The following PCDH15 variants were observed in gnomAD, a reference collection of about 807,000 sequenced individuals.
PCDH15 encodes protocadherin related 15.
PCDH15 carries 129 observed loss-of-function variants against 178.5 expected under a neutral mutation model. The ratio of observed to expected loss-of-function variants is 0.72; its 90% CI spans 0.63 to 0.84. The LOEUF is 0.84. PCDH15 is among the 40% of genes least tolerant of loss of function. The pLI is 0.00. For missense variants in PCDH15, 2,230 were observed against 2,099.9 expected, an observed-to-expected ratio of 1.06 and a Z score of -1.21; for synonymous variants, 800 against 732.0, an observed-to-expected ratio of 1.09 and a Z score of -1.50.
At chr10:55,451,799 C>A (rs1394283710) in intron 2 of PCDH15, among the ~76,000 whole-genome samples, 1 of 152,144 alleles carries the variant, frequency 6.6e-6, no homozygotes, top group African/African-American at 2.4e-5. Context: ...TGCATGTACA[C>A]ATCTATCTAT....
chr10:54,422,319 A>G (rs1370358956), intron 3 of PCDH15, among the ~76,000 whole-genome samples: 1 of 152,082 alleles, frequency 6.6e-6, no homozygotes, highest in Non-Finnish European at 1.5e-5. Flanking sequence ...CCTCATCTGT[A>G]AAATGGAATT....
chr10:53,928,214 T>C (rs985416755), intron 25 of PCDH15, among the ~76,000 whole-genome samples: 1 of 152,106 alleles, frequency 6.6e-6, no homozygotes, highest in Non-Finnish European at 1.5e-5. Flanking sequence ...CTTTTTATTA[T>C]GTAAGCATAA....
chr10:54,744,345 G>A (rs1043559596), intron 1 of PCDH15, among the ~76,000 whole-genome samples: 4 of 152,046 alleles, frequency 2.6e-5, no homozygotes, highest in African/African-American at 9.7e-5. Context: ...TCTGACCCAT[G>A]GAAACTGAGA....
rs1338985836 is a variant in PCDH15 at position 53,805,562 on chromosome 10, G to GGAA, written c.*1014_*1016dup. On this transcript the variant is annotated 3_prime_UTR_variant, in exon 38 of 38. Transcript: ENST00000644397. ...AATATTCTATAAATAACCTGAAAATGGAAGAAGTTAAACACAACATTTGAA... is the reference window on the plus strand; with the variant it reads ...AATATTCTATAAATAACCTGAAAATGGAAGAAGAAGTTAAACACAACATTTGAA... The GGAA allele has an allele frequency of 3.9e-5, 6 of 152,106 alleles. No homozygotes were observed. Among genetic ancestry groups the GGAA allele is most frequent in the African/African-American group, 1.4e-4 (6 of 41,490 alleles). 9.4% of individuals were successfully genotyped at this position (152,106 alleles called of 1,614,324 possible).
intron 2 of PCDH15, among the ~76,000 whole-genome samples, chr10:54,596,997 G>A (rs1434160084): frequency 6.6e-6 from 1 of 151,912 alleles, no homozygotes; most frequent in Non-Finnish European, 1.5e-5. Context: ...CAATAATACG[G>A]GGAAATTTTG....
chr10:54,300,338 C>T lies in PCDH15; in HGVS notation c.876+16933G>A, dbSNP rs142582938. On this transcript the variant is annotated intron_variant, in intron 8 of 37. Coordinates refer to ENST00000644397, the MANE Select transcript of PCDH15 (RefSeq NM_001384140.1). Reference sequence around the variant, plus strand: ...CATTTTGCAATTACTCACCTTTGGGCCCTGTATTTTTAACCTCCTTGTCAA... The same window carrying T: ...CATTTTGCAATTACTCACCTTTGGGTCCTGTATTTTTAACCTCCTTGTCAA... 1.1e-4 allele frequency among the ~76,000 whole-genome samples: 17 copies of T among 152,266 alleles called. No homozygotes were observed. In the East Asian group the frequency reaches 3.1e-3, roughly 28 times the overall value.
Position 53,841,948 on chromosome 10 carries a change from A to G in PCDH15, c.3807-1452T>C, listed in dbSNP as rs961729843. On this transcript the variant is annotated intron_variant, in intron 28 of 37. Transcript: ENST00000644397. Reference sequence around the variant, plus strand: ...AGAGCAAGATTTTATCTCCAAAGGGAAAAAAAAAAAAAAAAAACAACCCCG... The same window carrying G: ...AGAGCAAGATTTTATCTCCAAAGGGGAAAAAAAAAAAAAAAAACAACCCCG... Among the ~76,000 whole-genome samples, 133 of 70,948 alleles carry G rather than the reference A, an allele frequency of 1.9e-3. 1 individual carries two copies. Among genetic ancestry groups the G allele is most frequent in the Middle Eastern group, 0.011 (2 of 180 alleles). The allele number at this position is 70,948 out of a possible 152,430, so 46.5% of individuals were successfully genotyped here. A position where few individuals can be genotyped will look rare whatever the true frequency, so the allele number is the denominator to read the frequency against.
chr10:55,494,671 G>C (rs1022637670), intron 2 of PCDH15, among the ~76,000 whole-genome samples: 3 of 151,642 alleles, frequency 2.0e-5, no homozygotes, highest in African/African-American at 7.3e-5. Flanking sequence ...CAGATTTACA[G>C]TGATTGAAGT....
intron 2 of PCDH15, among the ~76,000 whole-genome samples, chr10:55,013,079 A>G (rs1363897429): frequency 1.3e-5 from 2 of 152,174 alleles, no homozygotes; most frequent in South Asian, 2.1e-4. Flanking sequence ...AAGCTGAAAC[A>G]TAGGAATCAT....
chr10:54,011,582 A>G (rs1263873665), intron 20 of PCDH15, among the ~76,000 whole-genome samples: 1 of 152,242 alleles, frequency 6.6e-6, no homozygotes, highest in East Asian at 1.9e-4. Context: ...AAGGGGCACA[A>G]CAATCCTTAG....
intron 26 of PCDH15, among the ~76,000 whole-genome samples, chr10:53,895,386 CTT>C (rs1397929186): frequency 1.3e-5 from 2 of 152,124 alleles, no homozygotes; most frequent in Admixed American, 1.3e-4. Flanking sequence ...TTTCTTGCTG[CTT>C]TTTCACAATA....
intron 3 of PCDH15, among the ~76,000 whole-genome samples, chr10:54,869,808 C>T (rs1041124287): frequency 1.3e-5 from 2 of 152,102 alleles, no homozygotes; most frequent in Non-Finnish European, 2.9e-5. Context: ...ATCTTTCTCC[C>T]CCTTCACAGA....
chr10:54,791,168 C>T (rs146237008), intron 1 of PCDH15, among the ~76,000 whole-genome samples: 3 of 151,868 alleles, frequency 2.0e-5, no homozygotes, highest in African/African-American at 7.2e-5. Context: ...ACAATTGATC[C>T]TTATAAGGGC....
intron 12 of PCDH15, among the ~76,000 whole-genome samples, chr10:54,184,121 T>A (rs1423003418): frequency 6.6e-6 from 1 of 152,150 alleles, no homozygotes; most frequent in African/African-American, 2.4e-5. Flanking sequence ...TGATAATGTA[T>A]GTTATACTTT....
At chr10:55,299,883 T>G (rs1018013372) in intron 1 of PCDH15, among the ~76,000 whole-genome samples, 1 of 152,186 alleles carries the variant, frequency 6.6e-6, no homozygotes, top group African/African-American at 2.4e-5. Flanking sequence ...TATATGAAGT[T>G]GGGTTAACAA....
At chr10:54,750,125 C>T (rs1946018377) in intron 1 of PCDH15, among the ~76,000 whole-genome samples, 1 of 152,056 alleles carries the variant, frequency 6.6e-6, no homozygotes. Context: ...TCCTCTCTTT[C>T]TTCCAGTTTC....
At chr10:55,171,912 GA>G (rs59407450) in intron 1 of PCDH15, among the ~76,000 whole-genome samples, 92,466 of 150,504 alleles carry the variant, frequency 0.61, 28,721 homozygotes, top group Non-Finnish European at 0.66. Context: ...AACCAGAAAA[GA>G]AAAAAAAAAT....
chr10:55,266,811 C>T (rs1842310491), intron 1 of PCDH15, among the ~76,000 whole-genome samples: 1 of 152,184 alleles, frequency 6.6e-6, no homozygotes, highest in Non-Finnish European at 1.5e-5. Context: ...AAGCGGCCTA[C>T]TCCAGGGGAA....
intron 2 of PCDH15, among the ~76,000 whole-genome samples, chr10:55,138,633 A>C (rs911959943): frequency 6.6e-6 from 1 of 152,118 alleles, no homozygotes; most frequent in African/African-American, 2.4e-5. Context: ...AGTTTTATTG[A>C]GGCAAAAATT....
Sources: allele counts gnomAD v4.1 joint callset (sites outside exome capture counted in the v4.1 genomes callset), GRCh38; gene constraint gnomAD v4.1.1; transcripts MANE v1.5; gene names NCBI Gene and HGNC (gene_info 2026-07-23, HGNC 2026-07-21).